Variants in CTBP2 observed in about 807,000 individuals in gnomAD.
CTBP2 encodes C-terminal binding protein 2, also known as C-terminal-binding protein 2.
CTBP2 carries 30 observed loss-of-function variants against 80.3 expected under a neutral mutation model. The observed-to-expected ratio is 0.37, with a 90% CI of 0.28 to 0.51. CTBP2 has a LOEUF of 0.51. CTBP2 is among the 20% of genes least tolerant of loss of function. The pLI, the probability that CTBP2 is intolerant of heterozygous loss-of-function variation, is 0.93. For missense variants in CTBP2, 1,212 were observed against 1,375.3 expected (o/e 0.88, Z 1.88); for synonymous variants, 594 against 587.4 (o/e 1.01, Z -0.16).
chr10:125,106,459 T>C (rs547737268), intron 2 of CTBP2, among the ~76,000 whole-genome samples: 4 of 152,208 alleles, frequency 2.6e-5, no homozygotes, highest in East Asian at 3.8e-4. Flanking sequence ...ATGCCAGATA[T>C]ACCTAAGGCC....
intron 1 of CTBP2, among the ~76,000 whole-genome samples, chr10:125,130,677 A>G (rs911430065): frequency 3.9e-5 from 6 of 152,212 alleles, no homozygotes; most frequent in Admixed American, 6.5e-5. Context: ...GAAAAGGTCA[A>G]TGCAGCCTCC....
At chr10:125,007,495 G>A (rs897462399) in intron 1 of CTBP2, among the ~76,000 whole-genome samples, 2 of 152,250 alleles carry the variant, frequency 1.3e-5, no homozygotes, top group Admixed American at 6.5e-5. Flanking sequence ...AGCAAAGTGC[G>A]TGGATCTCAC....
chr10:125,065,945 A>G (rs1399695520), intron 2 of CTBP2, among the ~76,000 whole-genome samples: 1 of 152,038 alleles, frequency 6.6e-6, no homozygotes, highest in Non-Finnish European at 1.5e-5. Flanking sequence ...TAAGAAAAAT[A>G]CAAAAATTAG....
intron 2 of CTBP2, among the ~76,000 whole-genome samples, chr10:125,068,887 C>T (rs1845036146): frequency 6.6e-6 from 1 of 152,206 alleles, no homozygotes; most frequent in Non-Finnish European, 1.5e-5. Flanking sequence ...GTCTCCGAGG[C>T]CCCACTCTCC....
At chr10:125,058,098 CT>C (rs1325289665) in intron 2 of CTBP2, among the ~76,000 whole-genome samples, 4 of 151,978 alleles carry the variant, frequency 2.6e-5, no homozygotes, top group Admixed American at 2.6e-4. Context: ...TCTTTATGAA[CT>C]GTTACAGAGT....
chr10:125,149,787 G>A (rs1007867022), intron 1 of CTBP2, among the ~76,000 whole-genome samples: 1 of 152,182 alleles, frequency 6.6e-6, no homozygotes, highest in African/African-American at 2.4e-5. Flanking sequence ...GGGAGCTCCC[G>A]CATCACCTGC....
At chr10:125,034,817 C>T (rs1958677788) in intron 3 of CTBP2, among the ~76,000 whole-genome samples, 1 of 152,204 alleles carries the variant, frequency 6.6e-6, no homozygotes, top group Admixed American at 6.5e-5. Context: ...TTTGTCAACA[C>T]TCTGTGGATT....
intron 2 of CTBP2, among the ~76,000 whole-genome samples, chr10:125,077,788 G>T (rs551629525): frequency 6.6e-6 from 1 of 152,134 alleles, no homozygotes. Flanking sequence ...TCTGCCTCCC[G>T]TGTTCAACCT....
chr10:125,073,496 C>T (rs2135479972), intron 2 of CTBP2, among the ~76,000 whole-genome samples: 1 of 152,322 alleles, frequency 6.6e-6, no homozygotes, highest in East Asian at 1.9e-4. Context: ...CCGCCTTGGC[C>T]CCCCAAAGTG....
chr10:125,128,672 G>A (rs539114583), intron 1 of CTBP2, among the ~76,000 whole-genome samples: 1 of 152,306 alleles, frequency 6.6e-6, no homozygotes, highest in African/African-American at 2.4e-5. Flanking sequence ...GAAAGCCAAC[G>A]TTCTGTAGGG....
Position 124,987,468 on chromosome 10 carries a change from TTCA to T in CTBP2, c.*2047_*2049del, listed in dbSNP as rs1952083488. ...CCTTTTTATGTTTTTGACTCTTAGG[TTCA>T]TCGTGTCCCAGACTTCTTCACATAT... On this transcript the variant is annotated 3_prime_UTR_variant, in exon 9 of 9. Coordinates refer to ENST00000309035, the MANE Select transcript of CTBP2 (RefSeq NM_022802.3). 6.6e-6 allele frequency: 1 copy of T among 152,186 alleles called. No individual in the cohort carries two copies. Among genetic ancestry groups the T allele is most frequent in the Non-Finnish European group, 1.5e-5 (1 of 68,030 alleles). The allele number at this position is 152,186 out of a possible 1,614,324, so 9.4% of individuals were successfully genotyped here. A position where few individuals can be genotyped will look rare whatever the true frequency, so the allele number is the denominator to read the frequency against.
chr10:124,991,861 G>A (rs1041544772), intron 8 of CTBP2, among the ~76,000 whole-genome samples: 16 of 142,946 alleles, frequency 1.1e-4, no homozygotes, highest in African/African-American at 4.1e-4. Context: ...TGCATGAGGG[G>A]GCTACTGATT....
chr10:125,012,862 G>A (rs1956082418), intron 1 of CTBP2, among the ~76,000 whole-genome samples: 1 of 135,686 alleles, frequency 7.4e-6, no homozygotes, highest in African/African-American at 2.7e-5. Context: ...TTACAGGCAT[G>A]AGCCACCGCG....
chr10:125,027,839 C>A lies in CTBP2; in HGVS notation c.-80G>T. ...TCAATTACATACATCAAAAACAGAC[C>A]TGGCTGTGTGCTAACCCTTCCGAGA... is the stretch of plus-strand genomic sequence containing the variant. On this transcript the variant is annotated 5_prime_UTR_variant, in exon 1 of 9. Coordinates refer to ENST00000309035, the MANE Select transcript of CTBP2 (RefSeq NM_022802.3). The A allele has an allele frequency of 6.9e-7, 1 of 1,444,330 alleles. No individual in the cohort carries two copies. The highest frequency in any genetic ancestry group is 9.1e-7 in the Non-Finnish European group (1 of 1,102,118). The allele number at this position is 1,444,330 out of a possible 1,614,324, so 89.5% of individuals were successfully genotyped here. A position where few individuals can be genotyped will look rare whatever the true frequency, so the allele number is the denominator to read the frequency against.
rs888705918 is a variant in CTBP2, at chr10:125,009,137, G to A, written c.1679-5645C>T. 3.9e-5 allele frequency among the ~76,000 whole-genome samples: 6 copies of A among 152,184 alleles called. No individual in the cohort carries two copies. The East Asian group carries it at 5.8e-4, about 15-fold the overall frequency. ...TGTGTCCTTTGTTGGGTGAACTCTCGTGGGAAAACTGCTGGAGAGTGTACC... is the reference window on the plus strand; with the variant it reads ...TGTGTCCTTTGTTGGGTGAACTCTCATGGGAAAACTGCTGGAGAGTGTACC... On this transcript the variant is annotated intron_variant, in intron 1 of 8. Transcript: ENST00000309035.
chr10:125,084,626 C>G (rs1304123744), intron 2 of CTBP2, among the ~76,000 whole-genome samples: 1 of 152,204 alleles, frequency 6.6e-6, no homozygotes, highest in Non-Finnish European at 1.5e-5. Flanking sequence ...CCAGTTAAAA[C>G]ATGGGTTTCC....
intron 1 of CTBP2, among the ~76,000 whole-genome samples, chr10:125,129,335 TAACC>T (rs1855775957): frequency 6.6e-6 from 1 of 152,066 alleles, no homozygotes; most frequent in Non-Finnish European, 1.5e-5. Context: ...GTGTTAGAAC[TAACC>T]AAATGGCACA....
intron 2 of CTBP2, among the ~76,000 whole-genome samples, chr10:125,090,143 T>C (rs2135674806): frequency 6.6e-6 from 1 of 152,034 alleles, no homozygotes; most frequent in South Asian, 2.1e-4. Context: ...AAAAACAGAA[T>C]TGCTGAAAGG....
At chr10:125,111,651 A>C (rs894558821) in intron 1 of CTBP2, among the ~76,000 whole-genome samples, 2 of 152,228 alleles carry the variant, frequency 1.3e-5, no homozygotes, top group African/African-American at 4.8e-5. Context: ...GTTCAATAAA[A>C]TTGCACTTTC....
Sources: allele counts gnomAD v4.1 joint callset (sites outside exome capture counted in the v4.1 genomes callset), GRCh38; gene constraint gnomAD v4.1.1; transcripts MANE v1.5; gene names NCBI Gene and HGNC (gene_info 2026-07-23, HGNC 2026-07-21).